BABAM2: variants seen among roughly 807,000 people sequenced by gnomAD.
BABAM2 encodes the protein BRISC and BRCA1-A complex member 2.
In BABAM2, 31 loss-of-function variants were observed where a neutral mutation model predicts 54.7. That is an observed-to-expected ratio of 0.57 (90% confidence interval 0.43 to 0.77). The LOEUF is 0.77. Ranked by LOEUF, BABAM2 falls within the 30% of genes least tolerant of loss-of-function variation. The pLI, the probability that BABAM2 is intolerant of heterozygous loss-of-function variation, is 0.00. For missense variants in BABAM2, 364 were observed against 455.8 expected (o/e 0.80, Z 1.83); for synonymous variants, 167 against 162.9 (o/e 1.03, Z -0.19).
At chr2:28,093,132 C>A (rs531083573) in intron 6 of BABAM2, among the ~76,000 whole-genome samples, 6 of 152,146 alleles carry the variant, frequency 3.9e-5, no homozygotes, top group Admixed American at 2.0e-4. Flanking sequence ...CATTTCTGTT[C>A]TTTAAATTTG....
At chr2:28,134,230 T>G (rs1670346041) in intron 7 of BABAM2, among the ~76,000 whole-genome samples, 1 of 140,348 alleles carries the variant, frequency 7.1e-6, no homozygotes, top group African/African-American at 2.6e-5. Flanking sequence ...AAGCTAGTAG[T>G]CAATGATGCA....
At chr2:28,214,645 C>G (rs1454412426) in intron 7 of BABAM2, among the ~76,000 whole-genome samples, 1 of 152,118 alleles carries the variant, frequency 6.6e-6, no homozygotes, top group Non-Finnish European at 1.5e-5. Context: ...TGACAGCAGA[C>G]AATTCTTGCC....
Position 27,937,370 on chromosome 2 carries a change from C to T in BABAM2, c.205+7462C>T, listed in dbSNP as rs113788915. On this transcript the variant is annotated intron_variant, in intron 3 of 11. Transcript: ENST00000379624. The stretch of plus-strand genomic sequence containing the variant: ...CTCAAACTCCTGACCTCGAGATCTG[C>T]CTGCCTTGGCCTCCCAAAGTGCTGG... Among the ~76,000 whole-genome samples, 400 of 152,336 alleles carry T rather than the reference C, an allele frequency of 2.6e-3. 1 individual carries two copies. The highest frequency in any genetic ancestry group is 9.2e-3 in the African/African-American group (384 of 41,566).
chr2:28,180,144 A>T (rs959950796), intron 7 of BABAM2, among the ~76,000 whole-genome samples: 22 of 152,158 alleles, frequency 1.4e-4, no homozygotes, highest in African/African-American at 5.3e-4. Context: ...ACCAAAAATT[A>T]GGCTGAATAA....
chr2:28,319,098 T>A lies in BABAM2; in HGVS notation c.1089-19352T>A, dbSNP rs1414822329. The stretch of plus-strand genomic sequence containing the variant: ...AAAATGCAAATTAGGAAGGAAGAAA[T>A]CTTCACTTTCTTACTCCAAAGCCCA... On this transcript the variant is annotated intron_variant, in intron 11 of 11. Transcript: ENST00000379624. Among the ~76,000 whole-genome samples the A allele has an allele frequency of 3.9e-5, 6 of 152,126 alleles. No homozygotes were observed. In the East Asian group the frequency reaches 1.2e-3, roughly 29 times the overall value.
chr2:27,935,533 T>A (rs1180058072), intron 3 of BABAM2, among the ~76,000 whole-genome samples: 1 of 152,256 alleles, frequency 6.6e-6, no homozygotes, highest in Non-Finnish European at 1.5e-5. Context: ...GTTAAGATGC[T>A]ATGAACATTG....
intron 10 of BABAM2, among the ~76,000 whole-genome samples, chr2:28,258,046 A>C (rs1009443560): frequency 1.3e-5 from 2 of 152,104 alleles, no homozygotes; most frequent in African/African-American, 4.8e-5. Flanking sequence ...GCATGGCAGC[A>C]GGCACTTGTA....
intron 6 of BABAM2, among the ~76,000 whole-genome samples, chr2:28,105,371 T>C (rs1464625337): frequency 6.6e-6 from 1 of 152,168 alleles, no homozygotes; most frequent in African/African-American, 2.4e-5. Context: ...GACTGTGGTA[T>C]GAAGAAGAGA....
chr2:28,319,185 T>C (rs1463987643), intron 11 of BABAM2, among the ~76,000 whole-genome samples: 2 of 152,246 alleles, frequency 1.3e-5, no homozygotes, highest in African/African-American at 4.8e-5. Flanking sequence ...CCCATGTTAG[T>C]GCACCAGATG....
intron 5 of BABAM2, among the ~76,000 whole-genome samples, chr2:28,026,769 A>AG (rs1675704399): frequency 8.9e-6 from 1 of 112,302 alleles, no homozygotes; most frequent in Non-Finnish European, 1.7e-5. Flanking sequence ...ATCTATATAA[A>AG]TATATAAAAA....
intron 3 of BABAM2, among the ~76,000 whole-genome samples, chr2:27,968,263 G>A (rs180861413): frequency 1.2e-4 from 18 of 152,334 alleles, no homozygotes; most frequent in Non-Finnish European, 2.2e-4. Context: ...TGCTTCAGCT[G>A]TGGCTGAAAG....
At chr2:28,255,754 C>T (rs1417406895) in intron 10 of BABAM2, among the ~76,000 whole-genome samples, 1 of 152,174 alleles carries the variant, frequency 6.6e-6, no homozygotes, top group Non-Finnish European at 1.5e-5. Flanking sequence ...TAGCCTCAGC[C>T]TCCCAGGCCC....
At chr2:28,106,174 T>G (rs1259845449) in intron 6 of BABAM2, among the ~76,000 whole-genome samples, 2 of 152,182 alleles carry the variant, frequency 1.3e-5, no homozygotes, top group Non-Finnish European at 2.9e-5. Flanking sequence ...ATCAGGAAAT[T>G]AACATGGCAT....
chr2:28,168,324 G>A (rs772705731), intron 7 of BABAM2, among the ~76,000 whole-genome samples: 1 of 152,174 alleles, frequency 6.6e-6, no homozygotes, highest in Non-Finnish European at 1.5e-5. Context: ...GCCAGAATCT[G>A]ATTTTCTTGG....
At chr2:28,157,668 A>G (rs933994141) in intron 7 of BABAM2, among the ~76,000 whole-genome samples, 1 of 152,072 alleles carries the variant, frequency 6.6e-6, no homozygotes, top group African/African-American at 2.4e-5. Context: ...GTGGAGTGCA[A>G]TGGCGCGATC....
chr2:28,226,952 C>T (rs1471756599), intron 7 of BABAM2, among the ~76,000 whole-genome samples: 3 of 152,040 alleles, frequency 2.0e-5, no homozygotes, highest in African/African-American at 4.8e-5. Context: ...GAGATAGAAG[C>T]TGCCATTTTC....
At chr2:28,281,786 G>C (rs1323279030) in intron 10 of BABAM2, among the ~76,000 whole-genome samples, 1 of 152,192 alleles carries the variant, frequency 6.6e-6, no homozygotes, top group Admixed American at 6.5e-5. Flanking sequence ...CTGAGTTTCA[G>C]CGTTCTTGTC....
At chr2:28,064,636 A>G (rs1171430468) in intron 6 of BABAM2, among the ~76,000 whole-genome samples, 1 of 152,182 alleles carries the variant, frequency 6.6e-6, no homozygotes, top group Non-Finnish European at 1.5e-5. Context: ...AGACCCATAT[A>G]CTTGAGAATT....
In BABAM2 at chr2:28,025,283, C is replaced by T. The variant is rs752429160; in HGVS notation, c.358C>T (p.Leu120Phe). Residue 120 changes from leucine (L) to phenylalanine (F), a missense_variant, in exon 5 of 12, where the codon CTT (leucine) becomes TTT (phenylalanine). Transcript: ENST00000379624. ...PECLLLVVKE[L>F]VQQYHQFQCS... Reference sequence around the variant, plus strand: ...ATGTCTCTTACTTGTGGTGAAGGAACTTGTGCAACAATATCACCAATTCCA... The same window carrying T: ...ATGTCTCTTACTTGTGGTGAAGGAATTTGTGCAACAATATCACCAATTCCA... 6.2e-7 allele frequency: 1 copy of T among 1,611,174 alleles called. No individual in the cohort carries two copies. The highest frequency in any genetic ancestry group is 8.5e-7 in the Non-Finnish European group (1 of 1,179,338).
Sources: allele counts gnomAD v4.1 joint callset (sites outside exome capture counted in the v4.1 genomes callset), GRCh38; gene constraint gnomAD v4.1.1; transcripts MANE v1.5; gene names NCBI Gene and HGNC (gene_info 2026-07-23, HGNC 2026-07-21).